EYS: variants seen among roughly 807,000 people sequenced by gnomAD.
EYS encodes the protein EGF-like photoreceptor maintenance factor, also known as protein eyes shut homolog.
EYS carries 250 observed loss-of-function variants against 282.1 expected under a neutral mutation model. The ratio of observed to expected loss-of-function variants is 0.89; its 90% CI spans 0.80 to 0.98. EYS has a LOEUF of 0.98. Among genes scored for constraint, EYS ranks in the 50% least tolerant of loss-of-function variants. The pLI, the probability that EYS is intolerant of heterozygous loss-of-function variation, is 0.00. For missense variants in EYS, 4,016 were observed against 3,709.0 expected (o/e 1.08, Z -2.15); for synonymous variants, 1,355 against 1,282.9 (o/e 1.06, Z -1.20).
intron 24 of EYS, among the ~76,000 whole-genome samples, chr6:64,598,443 A>C (rs1766657772): frequency 6.6e-6 from 1 of 152,262 alleles, no homozygotes; most frequent in South Asian, 2.1e-4. Context: ...GCTGGGCGAC[A>C]GTGCGAGACT....
chr6:64,303,269 T>A (rs1230399129), intron 30 of EYS, among the ~76,000 whole-genome samples: 1 of 152,174 alleles, frequency 6.6e-6, no homozygotes, highest in Non-Finnish European at 1.5e-5. Context: ...GGAACTAAAG[T>A]GCCAAGTAAC....
At chr6:65,115,561 A>G (rs1183442312) in intron 12 of EYS, among the ~76,000 whole-genome samples, 1 of 152,132 alleles carries the variant, frequency 6.6e-6, no homozygotes, top group African/African-American at 2.4e-5. Context: ...TTTATATATT[A>G]CATCTTATCT....
At chr6:64,448,924 T>A (rs1427878098) in intron 26 of EYS, among the ~76,000 whole-genome samples, 1 of 151,214 alleles carries the variant, frequency 6.6e-6, no homozygotes, top group Non-Finnish European at 1.5e-5. Context: ...AGCAGAAAAA[T>A]GGGAAACTCT....
chr6:65,633,509 C>T (rs956510541), intron 2 of EYS, among the ~76,000 whole-genome samples: 2 of 152,128 alleles, frequency 1.3e-5, no homozygotes, highest in African/African-American at 2.4e-5. Flanking sequence ...GTTTTAATGT[C>T]TCTGTTTTAT....
rs142533149 is a variant in EYS, at chr6:65,186,167, A to G, written c.2023+109696T>C. Among the ~76,000 whole-genome samples the G allele has an allele frequency of 1.8e-3, 280 of 151,840 alleles. 1 individual carries two copies. The highest frequency in any genetic ancestry group is 6.5e-3 in the African/African-American group (269 of 41,516). Reference sequence around the variant, plus strand: ...CTGATTATTGGGGATATATTAGATAACTTAACTTTGTTCCTGAAATTATTT... The same window carrying G: ...CTGATTATTGGGGATATATTAGATAGCTTAACTTTGTTCCTGAAATTATTT... On this transcript the variant is annotated intron_variant, in intron 12 of 42. Coordinates refer to ENST00000503581, the MANE Select transcript of EYS (RefSeq NM_001142800.2).
chr6:63,804,238 AC>A (rs2149677919), intron 37 of EYS, among the ~76,000 whole-genome samples: 2 of 151,814 alleles, frequency 1.3e-5, no homozygotes, highest in South Asian at 4.2e-4. Flanking sequence ...CTGCTCTCAA[AC>A]TCCTGACCTC....
intron 35 of EYS, among the ~76,000 whole-genome samples, chr6:63,941,026 T>C (rs1177779229): frequency 6.6e-6 from 1 of 152,190 alleles, no homozygotes; most frequent in African/African-American, 2.4e-5. Context: ...CCCTTTTTTA[T>C]GGCTGTATAG....
At chr6:64,704,129 C>G (rs542406056) in intron 22 of EYS, among the ~76,000 whole-genome samples, 3 of 151,754 alleles carry the variant, frequency 2.0e-5, no homozygotes, top group African/African-American at 2.4e-5. Flanking sequence ...ATTCTGGACT[C>G]GCATGAAATT....
intron 35 of EYS, among the ~76,000 whole-genome samples, chr6:63,893,315 T>C (rs1773454886): frequency 6.6e-6 from 1 of 152,184 alleles, no homozygotes; most frequent in African/African-American, 2.4e-5. Context: ...AGCAAAGACT[T>C]GGAACCAACC....
intron 26 of EYS, among the ~76,000 whole-genome samples, chr6:64,581,425 TTAGATA>T (rs139627142): frequency 6.6e-6 from 1 of 152,266 alleles, no homozygotes; most frequent in African/African-American, 2.4e-5. Context: ...TTACAGGTAA[TTAGATA>T]TAAAGTTTTT....
intron 28 of EYS, among the ~76,000 whole-genome samples, chr6:64,403,323 A>G (rs930284954): frequency 2.0e-5 from 3 of 152,070 alleles, no homozygotes; most frequent in Non-Finnish European, 4.4e-5. Context: ...CTGAAATTTT[A>G]TTTTTCTTAA....
chr6:64,643,770 C>T (rs575548301), intron 22 of EYS, among the ~76,000 whole-genome samples: 3 of 152,322 alleles, frequency 2.0e-5, no homozygotes, highest in Admixed American at 6.5e-5. Context: ...CTTGCACAAG[C>T]TCTTTCTTTG....
chr6:64,446,600 A>G (rs747037740), intron 26 of EYS, among the ~76,000 whole-genome samples: 11 of 151,894 alleles, frequency 7.2e-5, no homozygotes, highest in South Asian at 2.1e-4. Context: ...ATAAAATTCT[A>G]TATCAATTTT....
chr6:65,143,716 GT>G (rs1764407101), intron 12 of EYS, among the ~76,000 whole-genome samples: 2 of 151,960 alleles, frequency 1.3e-5, no homozygotes, highest in Non-Finnish European at 2.9e-5. Flanking sequence ...TATTTCCTCT[GT>G]GCTGCAACTG....
At chr6:65,092,898 G>C (rs923052028) in intron 12 of EYS, among the ~76,000 whole-genome samples, 4 of 151,972 alleles carry the variant, frequency 2.6e-5, no homozygotes, top group African/African-American at 9.7e-5. Context: ...AAGAGAAAAA[G>C]GCAGAAAGCT....
chr6:64,294,760 T>C (rs1471590543), intron 30 of EYS, among the ~76,000 whole-genome samples: 1 of 152,216 alleles, frequency 6.6e-6, no homozygotes, highest in South Asian at 2.1e-4. Context: ...GCACCACCTG[T>C]ACTAGATAAG....
intron 33 of EYS, among the ~76,000 whole-genome samples, chr6:64,041,895 T>C (rs1488679177): frequency 6.6e-6 from 1 of 152,220 alleles, no homozygotes; most frequent in Non-Finnish European, 1.5e-5. Flanking sequence ...GATCTTTTTT[T>C]AAATGTTCAA....
At chr6:63,907,337 G>A (rs1462239884) in intron 35 of EYS, among the ~76,000 whole-genome samples, 1 of 152,176 alleles carries the variant, frequency 6.6e-6, no homozygotes, top group African/African-American at 2.4e-5. Flanking sequence ...ATAAAGACAA[G>A]TGTAGACACA....
At chr6:65,388,348 A>C (rs570977546) in intron 7 of EYS, among the ~76,000 whole-genome samples, 55 of 152,168 alleles carry the variant, frequency 3.6e-4, no homozygotes, top group Middle Eastern at 3.4e-3. Context: ...TTATAAATAC[A>C]TGAGTATAGT....
Sources: allele counts gnomAD v4.1 joint callset (sites outside exome capture counted in the v4.1 genomes callset), GRCh38; gene constraint gnomAD v4.1.1; transcripts MANE v1.5; gene names NCBI Gene and HGNC (gene_info 2026-07-23, HGNC 2026-07-21).